The following PIK3C2A variants were observed in gnomAD, a reference collection of about 807,000 sequenced individuals.
The protein encoded by PIK3C2A is phosphatidylinositol-4-phosphate 3-kinase catalytic subunit type 2 alpha, also known as phosphatidylinositol 4-phosphate 3-kinase C2 domain-containing subunit alpha.
PIK3C2A carries 97 observed loss-of-function variants against 204.5 expected under a neutral mutation model. The ratio of observed to expected loss-of-function variants is 0.47; its 90% confidence interval spans 0.40 to 0.56. The LOEUF (loss-of-function observed/expected upper bound fraction) is 0.56, where lower values mean the gene tolerates loss of function less well. PIK3C2A is among the 20% of genes least tolerant of loss of function. PIK3C2A has a pLI of 0.00. For missense variants in PIK3C2A, 1,735 were observed against 1,969.2 expected (o/e 0.88, Z 2.25); for synonymous variants, 653 against 664.4 (o/e 0.98, Z 0.26).
At position 17,117,558 on chromosome 11, in the gene PIK3C2A, G is replaced by T. The variant is rs748443830; in HGVS notation, c.3149C>A (p.Thr1050Lys). 6.2e-7 allele frequency: 1 copy of T among 1,613,668 alleles called. No individual in the cohort carries two copies. The highest frequency in any genetic ancestry group is 1.1e-5 in the South Asian group (1 of 91,056). Residue 1050 changes from threonine (T) to lysine (K), a missense_variant, in exon 19 of 33, where the codon ACG becomes AAG. Around this residue, in one of 6 missense-constraint regions of PIK3C2A, gnomAD observed 567 missense variants for 576.0 expected, o/e 0.98. Transcript: ENST00000691414. Reference protein sequence around the residue: ...KRLREELLKQTKLVQLLGGVA... With the variant: ...KRLREELLKQKKLVQLLGGVA... ...TCCTCCTAAAAGCTGTACAAGTTTC[G>T]TCTGTTTTAGAAGTTCTTCTCTAAG... is the stretch of plus-strand genomic sequence containing the variant.
At position 17,155,656 on chromosome 11, in the gene PIK3C2A, TA is replaced by T. The variant is rs768536130; in HGVS notation, c.1066-28del. The T allele has an allele frequency of 6.1e-5, 83 of 1,359,548 alleles. 1 individual carries two copies. The South Asian group carries it at 9.8e-4, about 16-fold the overall frequency. 84.2% of individuals were successfully genotyped at this position (1,359,548 alleles called of 1,614,324 possible). On this transcript the variant is annotated intron_variant, in intron 2 of 32. Transcript: ENST00000691414. ...TGTAATTAAAAAAGTGTTTTTATTT[TA>T]AAAGTGGAAGATCCACAAAATGCTA...
intron 1 of PIK3C2A, among the ~76,000 whole-genome samples, chr11:17,197,563 C>T (rs1237844768): frequency 6.6e-6 from 1 of 152,030 alleles, no homozygotes; most frequent in Non-Finnish European, 1.5e-5. Context: ...TCTATGTCTG[C>T]ATATGTGTAT....
chr11:17,149,734 A>C (rs933734890), intron 4 of PIK3C2A, among the ~76,000 whole-genome samples: 3 of 152,236 alleles, frequency 2.0e-5, no homozygotes, highest in Admixed American at 1.3e-4. Flanking sequence ...ACAACAACAA[A>C]AAAACACAAA....
At chr11:17,105,329 A>C (rs747851395) in intron 22 of PIK3C2A, 24 bp from the exon 23 acceptor site, 1 of 1,572,942 alleles carries the variant, frequency 6.4e-7, no homozygotes. Context: ...ATATTAAGCT[A>C]TGTAAAACTG....
At chr11:17,147,714 G>C in intron 5 of PIK3C2A, 86 bp from the exon 6 acceptor site, 1 of 665,600 alleles carries the variant, frequency 1.5e-6, no homozygotes, top group Non-Finnish European at 2.6e-6. Flanking sequence ...ACCTGCATCA[G>C]AAATTGAAGA....
intron 22 of PIK3C2A, among the ~76,000 whole-genome samples, chr11:17,106,752 T>C (rs972550668): frequency 5.9e-5 from 9 of 152,142 alleles, no homozygotes; most frequent in African/African-American, 2.2e-4. Flanking sequence ...AGGAAAACTA[T>C]TTTAATTACA....
chr11:17,165,539 G>C (rs1850914003), intron 2 of PIK3C2A, among the ~76,000 whole-genome samples: 1 of 151,876 alleles, frequency 6.6e-6, no homozygotes, highest in Non-Finnish European at 1.5e-5. Flanking sequence ...ACGTTGGAAG[G>C]CTGAGGCAGG....
At chr11:17,164,176 A>T (rs1590981372) in intron 2 of PIK3C2A, among the ~76,000 whole-genome samples, 1 of 151,904 alleles carries the variant, frequency 6.6e-6, no homozygotes, top group South Asian at 2.1e-4. Flanking sequence ...CCACAGGGAG[A>T]CCTCATCTTC....
chr11:17,160,600 G>A (rs1294620484), intron 2 of PIK3C2A, among the ~76,000 whole-genome samples: 15 of 152,072 alleles, frequency 9.9e-5, no homozygotes, highest in Non-Finnish European at 1.5e-5. Context: ...GAGGCAGGTG[G>A]ATAGCTCTAG....
At chr11:17,187,020 T>C (rs1048260165) in intron 1 of PIK3C2A, among the ~76,000 whole-genome samples, 1 of 152,128 alleles carries the variant, frequency 6.6e-6, no homozygotes, top group Non-Finnish European at 1.5e-5. Flanking sequence ...GGCTCCCTAG[T>C]GCCTGGGTGA....
chr11:17,118,538 T>C (rs1157979839), intron 18 of PIK3C2A, 107 bp downstream of exon 18: 2 of 600,464 alleles, frequency 3.3e-6, no homozygotes, highest in Non-Finnish European at 6.0e-6. Flanking sequence ...ATAAAATATC[T>C]TGTATCCACA....
chr11:17,111,462 T>C (rs952353332), intron 21 of PIK3C2A, among the ~76,000 whole-genome samples: 7 of 152,196 alleles, frequency 4.6e-5, no homozygotes, highest in Non-Finnish European at 8.8e-5. Context: ...TAACTAAAAC[T>C]TGAATAAGTT....
chr11:17,137,362 C>G (rs1296734974), intron 8 of PIK3C2A, among the ~76,000 whole-genome samples: 1 of 150,906 alleles, frequency 6.6e-6, no homozygotes, highest in Non-Finnish European at 1.5e-5. Flanking sequence ...CACATTCATG[C>G]AAAAATCTTT....
intron 8 of PIK3C2A, among the ~76,000 whole-genome samples, chr11:17,144,914 A>AAG (rs1233089374): frequency 5.4e-5 from 7 of 129,456 alleles, no homozygotes; most frequent in African/African-American, 2.1e-4. Context: ...AAAAAAAAAA[A>AAG]AAAAAAAAGT....
Position 17,089,839 on chromosome 11 carries a change from C to T in PIK3C2A, c.4960G>A (p.Glu1654Lys). The T allele has an allele frequency of 6.2e-7, 1 of 1,613,752 alleles. No homozygotes were observed. Among genetic ancestry groups the T allele is most frequent in the South Asian group, 1.1e-5 (1 of 91,062 alleles). The change falls in exon 33 of 33, where the codon GAG becomes AAG. Residue 1654 changes from glutamate (E) to lysine (K), a missense_variant. Coordinates refer to ENST00000691414, the MANE Select transcript of PIK3C2A (RefSeq NM_002645.4). The stretch of plus-strand genomic sequence containing the variant: ...GTTACTCCACCCAAGAAAAAATTCT[C>T]CCGCAGAGATTCTGCACTGAGTACA... ...LSVLSAESLR[E>K]NFFLGGVTLP...
chr11:17,200,953 C>A (rs1852351088), intron 1 of PIK3C2A, among the ~76,000 whole-genome samples: 1 of 152,178 alleles, frequency 6.6e-6, no homozygotes, highest in Non-Finnish European at 1.5e-5. Flanking sequence ...TGCCTGTAAT[C>A]CCAGCACTTT....
intron 1 of PIK3C2A, among the ~76,000 whole-genome samples, chr11:17,186,317 A>T (rs1042328668): frequency 1.3e-5 from 2 of 152,128 alleles, no homozygotes; most frequent in East Asian, 3.9e-4. Context: ...ACCATCTAGT[A>T]TACTATATAT....
chr11:17,149,871 C>G (rs970749483), intron 4 of PIK3C2A, among the ~76,000 whole-genome samples: 3 of 152,218 alleles, frequency 2.0e-5, no homozygotes, highest in Non-Finnish European at 2.9e-5. Flanking sequence ...ATATTAGACA[C>G]ATTCCTAGTC....
rs765167242 is a variant in PIK3C2A, at chr11:17,119,863, A to G, written c.2769T>C (p.Asn923=). Residue 923 remains asparagine (N), a synonymous_variant, in exon 16 of 33, where the codon AAT becomes AAC. Coordinates refer to ENST00000691414, the MANE Select transcript of PIK3C2A (RefSeq NM_002645.4). ...GAAGCAATGAGTAAGTTTTGGCAAG[A>G]TTAACCCATTTCCAGTTTGGGGCGC... ...LASAPNWKWV[N]LAKTYSLLHQ... The G allele has an allele frequency of 1.2e-6, 2 of 1,611,904 alleles. No homozygotes were observed. Among genetic ancestry groups the G allele is most frequent in the Non-Finnish European group, 1.7e-6 (2 of 1,178,954 alleles).
Sources: allele counts gnomAD v4.1 joint callset (sites outside exome capture counted in the v4.1 genomes callset), GRCh38; gene constraint gnomAD v4.1.1; regional missense constraint gnomAD v4.1.1; transcripts MANE v1.5; gene names NCBI Gene and HGNC (gene_info 2026-07-23, HGNC 2026-07-21).